Variants in MMS22L observed in about 807,000 individuals in gnomAD.
MMS22L encodes protein MMS22-like.
Under a neutral mutation model 159.1 loss-of-function variants are expected in MMS22L, and 74 were observed. The ratio of observed to expected loss-of-function variants is 0.47; its 90% CI spans 0.39 to 0.56. MMS22L has a LOEUF of 0.56. MMS22L is among the 20% of genes least tolerant of loss of function. The pLI, the probability that MMS22L is intolerant of heterozygous loss-of-function variation, is 0.00. For synonymous variants in MMS22L, 517 were observed against 506.9 expected (o/e 1.02, Z -0.27); for missense variants, 1,351 against 1,422.1 (o/e 0.95, Z 0.80).
chr6:97,193,918 G>A lies in MMS22L; in HGVS notation c.2040-7228C>T, dbSNP rs573435320. 3.9e-5 allele frequency among the ~76,000 whole-genome samples: 6 copies of A among 152,008 alleles called. No individual in the cohort carries two copies. In the East Asian group the frequency reaches 9.7e-4, roughly 25 times the overall value. On this transcript the variant is annotated intron_variant, in intron 14 of 24. Transcript: ENST00000683635. ...TGGGACTACAGGCGCCCGCCACCAC[G>A]CCCAGCTAATGTTTTTGTATTTTTA...
In MMS22L at chr6:97,173,128, T is replaced by C. The variant is rs1293007473; in HGVS notation, c.2774A>G (p.Tyr925Cys). 1.9e-6 allele frequency: 3 copies of C among 1,613,638 alleles called. No homozygotes were observed. In the African/African-American group the frequency reaches 4.0e-5, roughly 22 times the overall value. The change falls in exon 19 of 25, where the codon TAT becomes TGT. Residue 925 changes from tyrosine (Y) to cysteine (C), a missense_variant. Physicochemically the swap from Tyr to Cys is radical, Grantham distance 194 (BLOSUM62 -2). Transcript: ENST00000683635. ...TTTTTTTCCCAAATAAGGCTTAATA[T>C]ATTTTAATACTTCACCAAGGTATTC... ...SLEYLGEVLKYIKPYLGKKVF... is the reference protein window; with the variant it reads ...SLEYLGEVLKCIKPYLGKKVF...
intron 10 of MMS22L, among the ~76,000 whole-genome samples, chr6:97,251,868 G>A (rs1159750700): frequency 6.6e-6 from 1 of 151,936 alleles, no homozygotes; most frequent in South Asian, 2.1e-4. Flanking sequence ...CGGATCACGA[G>A]GTCAGAAGAT....
chr6:97,173,333 A>G (rs1200036080), intron 18 of MMS22L, 111 bp from the exon 19 acceptor site: 2 of 903,132 alleles, frequency 2.2e-6, no homozygotes, highest in Non-Finnish European at 3.3e-6. Context: ...TACCCTTTAC[A>G]TTTAAGCCTT....
At chr6:97,152,805 C>G (rs964293510) in intron 22 of MMS22L, among the ~76,000 whole-genome samples, 1 of 118,532 alleles carries the variant, frequency 8.4e-6, no homozygotes, top group African/African-American at 3.6e-5. Flanking sequence ...TTTAACTGAA[C>G]TACCTTTTTT....
At chr6:97,199,099 T>C (rs1806857203) in intron 14 of MMS22L, among the ~76,000 whole-genome samples, 1 of 152,172 alleles carries the variant, frequency 6.6e-6, no homozygotes, top group South Asian at 2.1e-4. Context: ...TACCCTCTAA[T>C]GACAACTGCA....
At chr6:97,157,045 G>GT (rs1483034288) in intron 22 of MMS22L, among the ~76,000 whole-genome samples, 1 of 152,066 alleles carries the variant, frequency 6.6e-6, no homozygotes, top group Non-Finnish European at 1.5e-5. Context: ...CACATCCCGT[G>GT]TAAGTTAGAT....
At chr6:97,267,682 T>C (rs1562524034) in intron 8 of MMS22L, 190 bp downstream of exon 8, 1 of 366,732 alleles carries the variant, frequency 2.7e-6, no homozygotes, top group East Asian at 4.5e-5. Flanking sequence ...AGCTCTAAAA[T>C]ACCAATTCCA....
intron 14 of MMS22L, among the ~76,000 whole-genome samples, chr6:97,221,840 CAG>C (rs1265712063): frequency 6.6e-6 from 1 of 151,868 alleles, no homozygotes; most frequent in Non-Finnish European, 1.5e-5. Context: ...AATGAAAGAG[CAG>C]ACATTTTGAG....
chr6:97,256,061 T>C (rs947466829), intron 9 of MMS22L, among the ~76,000 whole-genome samples: 2 of 152,152 alleles, frequency 1.3e-5, no homozygotes, highest in Non-Finnish European at 2.9e-5. Flanking sequence ...ATGACTAATA[T>C]ATTTAGTTTT....
intron 9 of MMS22L, 92 bp from the exon 10 acceptor site, chr6:97,254,825 T>C (rs1562511087): frequency 2.0e-6 from 2 of 1,005,974 alleles, no homozygotes; most frequent in Non-Finnish European, 2.8e-6. Flanking sequence ...GAAGCATATA[T>C]ACAAAAGACA....
chr6:97,186,088 G>C (rs1255135900), intron 15 of MMS22L, among the ~76,000 whole-genome samples: 1 of 151,966 alleles, frequency 6.6e-6, no homozygotes, highest in Non-Finnish European at 1.5e-5. Context: ...GTGTCATTCT[G>C]ATCTCATCTT....
At chr6:97,263,542 ATGAC>A (rs1294816339) in intron 8 of MMS22L, 94 bp from the exon 9 acceptor site, 9 of 540,810 alleles carry the variant, frequency 1.7e-5, no homozygotes, top group Non-Finnish European at 2.2e-5. Flanking sequence ...AATGATTTAG[ATGAC>A]TAAGAATTTA....
At chr6:97,151,721 T>C (rs777306308) in intron 23 of MMS22L, 50 bp downstream of exon 23, 1 of 1,423,514 alleles carries the variant, frequency 7.0e-7, no homozygotes, top group South Asian at 1.2e-5. Context: ...ATGTTGGCTG[T>C]CAAATGGCTG....
At chr6:97,238,919 C>CAA (rs367852378) in intron 11 of MMS22L, among the ~76,000 whole-genome samples, 36 of 29,154 alleles carry the variant, frequency 1.2e-3, no homozygotes, top group Middle Eastern at 0.021. Context: ...GACTCCATCT[C>CAA]AAAAAAAAAA....
rs1205078432 is a variant in MMS22L, at chr6:97,220,769, T to C, written c.2039+8125A>G. On this transcript the variant is annotated intron_variant, in intron 14 of 24. Transcript: ENST00000683635. ...TTTTCTACAGCAGCACTCAGTAACA[T>C]AGCATTACAATTTCCAATGGGTCCA... 3.3e-5 allele frequency among the ~76,000 whole-genome samples: 5 copies of C among 151,950 alleles called. 1 individual carries two copies. Among genetic ancestry groups the C allele is most frequent in the Non-Finnish European group, 5.9e-5 (4 of 68,018 alleles).
At chr6:97,199,683 G>A (rs1806933133) in intron 14 of MMS22L, among the ~76,000 whole-genome samples, 1 of 151,252 alleles carries the variant, frequency 6.6e-6, no homozygotes, top group Non-Finnish European at 1.5e-5. Flanking sequence ...CTCATCATCA[G>A]CTCCAATAGT....
chr6:97,268,677 C>T (rs1390089815), intron 7 of MMS22L, among the ~76,000 whole-genome samples: 2 of 151,880 alleles, frequency 1.3e-5, no homozygotes, highest in Non-Finnish European at 2.9e-5. Flanking sequence ...ATAAACTGAT[C>T]CCATGCAATT....
intron 9 of MMS22L, among the ~76,000 whole-genome samples, chr6:97,258,332 C>T (rs1221209364): frequency 1.3e-5 from 2 of 152,108 alleles, no homozygotes; most frequent in East Asian, 1.9e-4. Context: ...ATGTTTCAGG[C>T]TCATGTTTAC....
intron 14 of MMS22L, among the ~76,000 whole-genome samples, chr6:97,226,783 A>G (rs1329649695): frequency 6.6e-6 from 1 of 152,148 alleles, no homozygotes; most frequent in East Asian, 1.9e-4. Flanking sequence ...TTAGAACTAG[A>G]GCAATGTATC....
Sources: gnomAD v4.1 joint callset for allele counts (sites outside exome capture counted in the v4.1 genomes callset) on GRCh38, gnomAD v4.1.1 for gene constraint, MANE v1.5 for transcripts, NCBI Gene and HGNC (gene_info 2026-07-23, HGNC 2026-07-21) for gene names.